Variants in TFCP2L1 observed in about 807,000 individuals in gnomAD.
The protein encoded by TFCP2L1 is transcription factor CP2-like protein 1.
A neutral mutation model predicts 72.2 loss-of-function variants in TFCP2L1; 12 were observed. The ratio of observed to expected loss-of-function variants is 0.17; its 90% CI spans 0.11 to 0.27. The LOEUF is 0.27. TFCP2L1 is among the 10% of genes least tolerant of loss of function. The pLI, the probability that TFCP2L1 is intolerant of heterozygous loss-of-function variation, is 1.00. For missense variants in TFCP2L1, 488 were observed against 624.6 expected, an observed-to-expected ratio of 0.78 and a Z score of 2.33; for synonymous variants, 260 against 251.0, an observed-to-expected ratio of 1.04 and a Z score of -0.34.
chr2:121,274,494 G>T (rs1230055028), intron 2 of TFCP2L1, among the ~76,000 whole-genome samples: 1 of 152,106 alleles, frequency 6.6e-6, no homozygotes, highest in Non-Finnish European at 1.5e-5. Flanking sequence ...ATGTGCCTAA[G>T]GTGTATATGA....
rs541492834 is a variant in TFCP2L1, at chr2:121,275,386, G to A, written c.214+5734C>T. On this transcript the variant is annotated intron_variant, in intron 2 of 14. Coordinates refer to ENST00000263707, the MANE Select transcript of TFCP2L1 (RefSeq NM_014553.3). ...TGCACTCTAGCCTGGGCGACAGCAC[G>A]AGACTCCATCTCAAAAAAAAAAAAA... Among the ~76,000 whole-genome samples the A allele has an allele frequency of 5.0e-3, 284 of 57,268 alleles. 1 individual carries two copies. The highest frequency in any genetic ancestry group is 0.023 in the African/African-American group (255 of 10,912). 37.6% of individuals were successfully genotyped at this position (57,268 alleles called of 152,430 possible). A position where few individuals can be genotyped will look rare whatever the true frequency, so the allele number is the denominator to read the frequency against.
At chr2:121,278,060 C>T (rs140004804) in intron 2 of TFCP2L1, among the ~76,000 whole-genome samples, 5,184 of 141,122 alleles carry the variant, frequency 0.037, 109 homozygotes, top group Non-Finnish European at 0.053. Flanking sequence ...GACGGAGTCT[C>T]GCTCTGTCGC....
chr2:121,243,613 G>C (rs909904167), intron 6 of TFCP2L1, among the ~76,000 whole-genome samples: 2 of 152,102 alleles, frequency 1.3e-5, no homozygotes, highest in African/African-American at 4.8e-5. Flanking sequence ...CAGACCAGTG[G>C]CGGATTTAGA....
chr2:121,257,446 C>A (rs1032818475), intron 2 of TFCP2L1, among the ~76,000 whole-genome samples: 1 of 152,202 alleles, frequency 6.6e-6, no homozygotes, highest in African/African-American at 2.4e-5. Flanking sequence ...AAACTTCTTA[C>A]CCCAATCTTA....
intron 2 of TFCP2L1, among the ~76,000 whole-genome samples, chr2:121,251,424 A>T (rs544751028): frequency 1.1e-4 from 17 of 152,302 alleles, no homozygotes; most frequent in African/African-American, 3.8e-4. Flanking sequence ...GTATGTGTAT[A>T]ATCTATGAAA....
At chr2:121,277,555 A>G (rs1033305147) in intron 2 of TFCP2L1, among the ~76,000 whole-genome samples, 1 of 152,246 alleles carries the variant, frequency 6.6e-6, no homozygotes, top group East Asian at 1.9e-4. Flanking sequence ...TTTATTTTTA[A>G]AATACATAAA....
At chr2:121,227,404 G>A (rs1686050789) in intron 13 of TFCP2L1, among the ~76,000 whole-genome samples, 1 of 152,138 alleles carries the variant, frequency 6.6e-6, no homozygotes, top group African/African-American at 2.4e-5. Flanking sequence ...TAAACAGGCC[G>A]GGCGCGGTGG....
chr2:121,254,325 G>A (rs952629768), intron 2 of TFCP2L1, among the ~76,000 whole-genome samples: 4 of 152,196 alleles, frequency 2.6e-5, no homozygotes, highest in Non-Finnish European at 5.9e-5. Flanking sequence ...GTACTATAAT[G>A]TTTAAAATTT....
intron 2 of TFCP2L1, among the ~76,000 whole-genome samples, chr2:121,262,292 C>T (rs1686841436): frequency 6.6e-6 from 1 of 152,126 alleles, no homozygotes; most frequent in Non-Finnish European, 1.5e-5. Context: ...TGGTGAAACC[C>T]TGTCTCTACT....
chr2:121,229,321 C>T (rs1686095452), intron 13 of TFCP2L1, among the ~76,000 whole-genome samples: 1 of 152,118 alleles, frequency 6.6e-6, no homozygotes, highest in South Asian at 2.1e-4. Flanking sequence ...GAAACTATTC[C>T]AGGAGAAAAG....
intron 2 of TFCP2L1, among the ~76,000 whole-genome samples, chr2:121,275,860 C>G (rs536112083): frequency 6.6e-6 from 1 of 152,214 alleles, no homozygotes; most frequent in East Asian, 1.9e-4. Context: ...CGTGAGCCAC[C>G]GCGCCCAGTT....
At position 121,220,711 on chromosome 2, in the gene TFCP2L1, G is replaced by C. The variant is rs996362604; in HGVS notation, c.*3630C>G. 6.6e-6 allele frequency: 1 copy of C among 152,206 alleles called. No individual in the cohort carries two copies. Among genetic ancestry groups the C allele is most frequent in the Non-Finnish European group, 1.5e-5 (1 of 68,064 alleles). The allele number at this position is 152,206 out of a possible 1,614,324, so 9.4% of individuals were successfully genotyped here. A position where few individuals can be genotyped will look rare whatever the true frequency, so the allele number is the denominator to read the frequency against. On this transcript the variant is annotated 3_prime_UTR_variant, in exon 15 of 15. Coordinates refer to ENST00000263707, the MANE Select transcript of TFCP2L1 (RefSeq NM_014553.3). ...CTGTGGGAAGGGCTATGGCTTTTCT[G>C]TATGTCAATCAAATGAAAAATAAAA...
At position 121,253,427 on chromosome 2, in the gene TFCP2L1, G is replaced by A. The variant is rs1252637026; in HGVS notation, c.215-3780C>T. On this transcript the variant is annotated intron_variant, in intron 2 of 14. Transcript: ENST00000263707. ...ATACATTTCCAGGCTCCTGAACCAAGAGTCCAACACTCCCTTGATATCAAC... is the reference window on the plus strand; with the variant it reads ...ATACATTTCCAGGCTCCTGAACCAAAAGTCCAACACTCCCTTGATATCAAC... Among the ~76,000 whole-genome samples, 35 of 152,200 alleles carry A rather than the reference G, an allele frequency of 2.3e-4. 1 individual carries two copies. Among genetic ancestry groups the A allele is most frequent in the Admixed American group, 2.2e-3 (34 of 15,284 alleles).
intron 13 of TFCP2L1, 39 bp downstream of exon 13, chr2:121,231,773 TCCTCCCGTGGCCCA>T (rs1686147748): frequency 6.3e-7 from 1 of 1,595,368 alleles, no homozygotes. Flanking sequence ...GTTCTGACAC[TCCTCCCGTGGCCCA>T]GAGCCCGTTG....
intron 8 of TFCP2L1, among the ~76,000 whole-genome samples, chr2:121,238,082 CT>C (rs1447768229): frequency 6.6e-6 from 1 of 152,216 alleles, no homozygotes; most frequent in Non-Finnish European, 1.5e-5. Context: ...ATAGGCTACA[CT>C]GCCCCAGTCA....
At chr2:121,256,726 A>G (rs1282817477) in intron 2 of TFCP2L1, among the ~76,000 whole-genome samples, 3 of 152,096 alleles carry the variant, frequency 2.0e-5, no homozygotes, top group African/African-American at 7.2e-5. Context: ...CAGTGAGGCA[A>G]GATGGCGTCA....
chr2:121,276,661 A>C (rs1266044946), intron 2 of TFCP2L1, among the ~76,000 whole-genome samples: 1 of 151,992 alleles, frequency 6.6e-6, no homozygotes, highest in Non-Finnish European at 1.5e-5. Flanking sequence ...AAAGCCAACA[A>C]AAAAAGTTTC....
intron 7 of TFCP2L1, chr2:121,240,634 C>CT: frequency 1.0e-6 from 1 of 985,408 alleles, no homozygotes; most frequent in East Asian, 1.1e-4. Flanking sequence ...TGGCATGTGG[C>CT]TCACCAGGAC....
chr2:121,243,323 G>C (rs977062376), intron 6 of TFCP2L1, among the ~76,000 whole-genome samples: 5 of 152,214 alleles, frequency 3.3e-5, no homozygotes, highest in Admixed American at 3.3e-4. Flanking sequence ...ACGGCACCTT[G>C]AGGGATTTTC....
Sources: gnomAD v4.1 joint callset for allele counts (sites outside exome capture counted in the v4.1 genomes callset) on GRCh38, gnomAD v4.1.1 for gene constraint, MANE v1.5 for transcripts, NCBI Gene and HGNC (gene_info 2026-07-23, HGNC 2026-07-21) for gene names.